Variants in MID2 observed in about 807,000 individuals in gnomAD.
MID2 encodes the protein midline 2.
Under a neutral mutation model 46.1 loss-of-function variants are expected in MID2, and 13 were observed. The ratio of observed to expected loss-of-function variants is 0.28; its 90% confidence interval spans 0.18 to 0.45. The LOEUF (loss-of-function observed/expected upper bound fraction) is 0.45. Among genes scored for constraint, MID2 ranks in the 20% least tolerant of loss-of-function variants. The probability of loss-of-function intolerance (pLI) is 1.00; values close to 1 mark genes in which losing one functional copy is unlikely to be tolerated. For synonymous variants in MID2, 199 were observed against 212.3 expected, an observed-to-expected ratio of 0.94 and a Z score of 0.55; for missense variants, 431 against 575.4, an observed-to-expected ratio of 0.75 and a Z score of 2.57.
intron 3 of MID2, among the ~76,000 whole-genome samples, chrX:107,863,760 A>T (rs907699038): frequency 8.9e-6 from 1 of 112,526 alleles, no homozygotes; most frequent in Non-Finnish European, 1.9e-5. Flanking sequence ...CAGACTTGAA[A>T]CCAAAACAAC....
At chrX:107,873,701 GC>G (rs1932128373) in intron 3 of MID2, among the ~76,000 whole-genome samples, 1 of 109,766 alleles carries the variant, frequency 9.1e-6, no homozygotes, top group African/African-American at 3.4e-5. Context: ...TGCTGATTTA[GC>G]TGCTTGGTCT....
intron 3 of MID2, among the ~76,000 whole-genome samples, chrX:107,886,079 T>G (rs1270473021): frequency 5.4e-5 from 6 of 112,053 alleles, no homozygotes; most frequent in Non-Finnish European, 1.1e-4. Context: ...GGTGGCCTGT[T>G]CACTCTGATG....
chrX:107,925,200 C>T (rs1353112380), intron 8 of MID2, among the ~76,000 whole-genome samples: 6 of 112,368 alleles, frequency 5.3e-5, no homozygotes, highest in African/African-American at 1.9e-4. Context: ...TGTCTGACTT[C>T]TGCTTCCATC....
At chrX:107,900,292 A>G (rs761816674) in intron 3 of MID2, among the ~76,000 whole-genome samples, 1 of 111,426 alleles carries the variant, frequency 9.0e-6, no homozygotes, top group Non-Finnish European at 1.9e-5. Flanking sequence ...TGATTTTTTT[A>G]CTGTGCTAAA....
chrX:107,920,228 T>C (rs1933045339), intron 7 of MID2, among the ~76,000 whole-genome samples: 2 of 112,451 alleles, frequency 1.8e-5, no homozygotes. Context: ...TTTCACATTT[T>C]CTTTATCCAG....
intron 2 of MID2, among the ~76,000 whole-genome samples, chrX:107,847,737 A>G (rs1332204598): frequency 8.9e-6 from 1 of 111,788 alleles, no homozygotes; most frequent in African/African-American, 3.3e-5. Flanking sequence ...TTAGGGTTAC[A>G]GTGATTAAGA....
At chrX:107,830,957 C>A (rs749406900) in intron 1 of MID2, among the ~76,000 whole-genome samples, 63 of 111,208 alleles carry the variant, frequency 5.7e-4, no homozygotes, top group African/African-American at 2.0e-3. Context: ...TTCTTTATGA[C>A]CATAGGCAGA....
rs781710187 is a variant in MID2, at chrX:107,891,027, A to T, written c.817-12931A>T. Among the ~76,000 whole-genome samples, 3 of 110,153 alleles carry T rather than the reference A, an allele frequency of 2.7e-5. No homozygotes were observed. In the South Asian group the frequency reaches 1.2e-3, roughly 44 times the overall value. ...GTGCTGTCTCTCACCCGTTTCTTTG[A>T]CTAGGAAAGGGAATTCCCTGACCCC... On this transcript the variant is annotated intron_variant, in intron 3 of 9. Coordinates refer to ENST00000262843, the MANE Select transcript of MID2 (RefSeq NM_012216.4).
intron 3 of MID2, among the ~76,000 whole-genome samples, chrX:107,892,277 C>A (rs1367696379): frequency 8.9e-6 from 1 of 112,009 alleles, no homozygotes; most frequent in Non-Finnish European, 1.9e-5. Flanking sequence ...AAAAGGATGG[C>A]CTTGGAAAAA....
intron 3 of MID2, among the ~76,000 whole-genome samples, chrX:107,855,700 A>C (rs1931725107): frequency 8.9e-6 from 1 of 112,125 alleles, no homozygotes; most frequent in Non-Finnish European, 1.9e-5. Context: ...CTTGTAAGGC[A>C]AAGAATCCTC....
intron 5 of MID2, among the ~76,000 whole-genome samples, chrX:107,912,831 C>T (rs1282690629): frequency 9.0e-6 from 1 of 110,771 alleles, no homozygotes; most frequent in African/African-American, 3.3e-5. Flanking sequence ...ATCTACTCAC[C>T]TTCAATACTG....
At chrX:107,905,340 T>C in intron 4 of MID2, 138 bp from the exon 5 acceptor site, 1 of 460,460 alleles carries the variant, frequency 2.2e-6, no homozygotes, top group African/African-American at 2.4e-5. Flanking sequence ...GGTGAGTGGT[T>C]AGTACAGGGA....
chrX:107,861,272 G>A (rs1280833085), intron 3 of MID2, among the ~76,000 whole-genome samples: 2 of 111,713 alleles, frequency 1.8e-5, no homozygotes, highest in African/African-American at 3.3e-5. Flanking sequence ...AAGGTTCTAC[G>A]CAAATATGAA....
Position 107,868,416 on chromosome X carries a change from T to A in MID2, c.816+13712T>A, listed in dbSNP as rs749343236. Among the ~76,000 whole-genome samples, 3 of 111,088 alleles carry A rather than the reference T, an allele frequency of 2.7e-5. No homozygotes were observed. In the South Asian group the frequency reaches 1.2e-3, roughly 43 times the overall value. ...ATCTTGAAATGTCAATGGGAAGGAG[T>A]GGAACCAGAAGAGAGGTTGGCTGAA... On this transcript the variant is annotated intron_variant, in intron 3 of 9. Coordinates refer to ENST00000262843, the MANE Select transcript of MID2 (RefSeq NM_012216.4).
At chrX:107,828,310 C>CTTTTTTTTTTTT (rs766362742) in intron 1 of MID2, among the ~76,000 whole-genome samples, 9 of 83,021 alleles carry the variant, frequency 1.1e-4, no homozygotes, top group African/African-American at 4.3e-4. Flanking sequence ...TCTTTCTTTT[C>CTTTTTTTTTTTT]TTTTTTTTTT....
chrX:107,884,729 A>G (rs1932409757), intron 3 of MID2, among the ~76,000 whole-genome samples: 1 of 112,564 alleles, frequency 8.9e-6, no homozygotes, highest in African/African-American at 3.2e-5. Flanking sequence ...TTAGAATGGA[A>G]CATGGCAGAA....
chrX:107,838,935 C>T (rs766999166), intron 1 of MID2, among the ~76,000 whole-genome samples: 1 of 111,394 alleles, frequency 9.0e-6, no homozygotes, highest in African/African-American at 3.3e-5. Flanking sequence ...GGCAAAACCA[C>T]GTCTCTACAA....
intron 6 of MID2, among the ~76,000 whole-genome samples, chrX:107,917,273 A>G (rs1465259347): frequency 8.9e-6 from 1 of 111,968 alleles, no homozygotes; most frequent in Non-Finnish European, 1.9e-5. Context: ...AGTCATCACA[A>G]AAATTTAGGC....
At chrX:107,833,836 C>T (rs1931144959) in intron 1 of MID2, among the ~76,000 whole-genome samples, 2 of 110,807 alleles carry the variant, frequency 1.8e-5, no homozygotes, top group Non-Finnish European at 3.8e-5. Flanking sequence ...TGCTGTCACC[C>T]AGGATGGAAT....
Sources: allele counts gnomAD v4.1 joint callset (sites outside exome capture counted in the v4.1 genomes callset), GRCh38; gene constraint gnomAD v4.1.1; transcripts MANE v1.5; gene names NCBI Gene and HGNC (gene_info 2026-07-23, HGNC 2026-07-21).